The following RNF145 variants were observed in gnomAD, a reference collection of about 807,000 sequenced individuals.
RNF145 encodes ring finger protein 145.
RNF145 carries 12 observed loss-of-function variants against 57.3 expected under a neutral mutation model. That is an observed-to-expected ratio of 0.21 (90% CI 0.13 to 0.34). RNF145 has a LOEUF of 0.34. Ranked by LOEUF, RNF145 falls within the 10% of genes least tolerant of loss-of-function variation. The probability of loss-of-function intolerance (pLI) is 1.00; values close to 1 mark genes in which losing one functional copy is unlikely to be tolerated. For synonymous variants in RNF145, 262 were observed against 288.3 expected (o/e 0.91, Z 0.92); for missense variants, 429 against 799.0 (o/e 0.54, Z 5.58).
chr5:159,186,812 A>G (rs1439368252), intron 3 of RNF145, among the ~76,000 whole-genome samples: 1 of 152,216 alleles, frequency 6.6e-6, no homozygotes, highest in African/African-American at 2.4e-5. Flanking sequence ...GGTCAATTTT[A>G]TTCCTGTCAA....
intron 3 of RNF145, among the ~76,000 whole-genome samples, chr5:159,186,284 T>C (rs1046796178): frequency 3.9e-5 from 6 of 152,244 alleles, no homozygotes; most frequent in Admixed American, 1.3e-4. Context: ...AGAAAAATTC[T>C]TGCTTATAAA....
intron 3 of RNF145, among the ~76,000 whole-genome samples, chr5:159,192,452 G>T (rs912573019): frequency 6.6e-6 from 1 of 152,042 alleles, no homozygotes; most frequent in Admixed American, 6.6e-5. Context: ...ATATTAAGAG[G>T]TCTACCTTCA....
intron 6 of RNF145, among the ~76,000 whole-genome samples, chr5:159,171,468 GA>G (rs1013344974): frequency 1.3e-5 from 2 of 149,670 alleles, no homozygotes; most frequent in African/African-American, 2.5e-5. Context: ...TCTTATTTTA[GA>G]AAAAAAAATG....
At chr5:159,170,843 G>A (rs568432642) in intron 6 of RNF145, among the ~76,000 whole-genome samples, 22 of 152,186 alleles carry the variant, frequency 1.4e-4, no homozygotes, top group African/African-American at 5.3e-4. Context: ...CTCCCACCTC[G>A]GCCTCCCAAC....
chr5:159,191,026 GGAA>G lies in RNF145; in HGVS notation c.293+3687_293+3689del, dbSNP rs1244232293. Reference sequence around the variant, plus strand: ...TCTTTCGGTTTCCCTGAGCCTAACTGGAAGAAGAAGAACTGTCTTGGGCCACAC... The same window carrying G: ...TCTTTCGGTTTCCCTGAGCCTAACTGGAAGAAGAACTGTCTTGGGCCACAC... On this transcript the variant is annotated intron_variant, in intron 3 of 10. Coordinates refer to ENST00000424310, the MANE Select transcript of RNF145 (RefSeq NM_001199383.2). Among the ~76,000 whole-genome samples, 19 of 151,320 alleles carry G rather than the reference GGAA, an allele frequency of 1.3e-4. No homozygotes were observed. The South Asian group carries it at 1.7e-3, about 13-fold the overall frequency.
In RNF145 at chr5:159,192,725, G is replaced by C. The variant is rs113587251; in HGVS notation, c.293+1991C>G. On this transcript the variant is annotated intron_variant, in intron 3 of 10. Transcript: ENST00000424310. ...TAAGATATTTTATTACCACTTTAAT[G>C]TGAAAAAACTAAGGCTTATCCTTCT... is the stretch of plus-strand genomic sequence containing the variant. 1.6e-3 allele frequency among the ~76,000 whole-genome samples: 243 copies of C among 152,212 alleles called. 1 individual carries two copies. Among genetic ancestry groups the C allele is most frequent in the African/African-American group, 5.5e-3 (229 of 41,526 alleles).
At chr5:159,203,900 T>C (rs1785764457) in intron 1 of RNF145, among the ~76,000 whole-genome samples, 1 of 152,238 alleles carries the variant, frequency 6.6e-6, no homozygotes, top group African/African-American at 2.4e-5. Flanking sequence ...GCCTCAAAAC[T>C]AATTTTTTAA....
chr5:159,196,272 C>G (rs1785458267), intron 2 of RNF145, among the ~76,000 whole-genome samples: 1 of 147,314 alleles, frequency 6.8e-6, no homozygotes, highest in Admixed American at 6.8e-5. Flanking sequence ...TCAGCTATCA[C>G]TAGTGTTAGC....
chr5:159,170,144 AAAG>A (rs1401467895), intron 6 of RNF145, among the ~76,000 whole-genome samples: 1 of 152,240 alleles, frequency 6.6e-6, no homozygotes, highest in Non-Finnish European at 1.5e-5. Flanking sequence ...CAAGTATTCA[AAAG>A]AAGCTTGTAC....
intron 2 of RNF145, among the ~76,000 whole-genome samples, chr5:159,197,743 T>G (rs6888950): frequency 0.39 from 58,860 of 152,094 alleles, 13,326 homozygotes; most frequent in African/African-American, 0.61. Context: ...AGCTGTTAGT[T>G]TTTAAATTAT....
intron 5 of RNF145, among the ~76,000 whole-genome samples, chr5:159,175,481 GTATT>G (rs1278721135): frequency 3.3e-5 from 5 of 151,866 alleles, no homozygotes; most frequent in Admixed American, 3.3e-4. Context: ...TATTCAATAA[GTATT>G]TACTGAATAT....
chr5:159,158,845 T>C lies in RNF145; in HGVS notation c.1817A>G (p.Gln606Arg). 1.2e-6 allele frequency: 2 copies of C among 1,613,942 alleles called. No homozygotes were observed. The highest frequency in any genetic ancestry group is 1.1e-5 in the South Asian group (1 of 91,076). The change falls in exon 11 of 11, where the codon CAG (glutamine) becomes CGG (arginine). Residue 606 changes from glutamine (Q) to arginine (R), a missense_variant. This residue lies in a region of RNF145 where 102 missense variants were observed against 106.2 expected (regional missense o/e 0.96). Coordinates refer to ENST00000424310, the MANE Select transcript of RNF145 (RefSeq NM_001199383.2). ...HAGAEQNVMF[Q>R]EGTEPPGQEH... is the part of the protein sequence containing the mutation. ...CTGGCCTGGGGGTTCAGTACCTTCC[T>C]GAAACATGACGTTTTGCTCAGCTCC...
chr5:159,189,494 C>T (rs573449013), intron 3 of RNF145, among the ~76,000 whole-genome samples: 5 of 152,258 alleles, frequency 3.3e-5, no homozygotes, highest in South Asian at 2.1e-4. Context: ...CCTCATACAC[C>T]GCTGGTAGAA....
upstream of RNF145, chr5:159,209,791 T>G: frequency 2.0e-6 from 3 of 1,468,694 alleles, no homozygotes; most frequent in Non-Finnish European, 2.8e-6. Context: ...GGCGCCATTC[T>G]GACACACGTG....
intron 1 of RNF145, 97 bp from the exon 2 acceptor site, chr5:159,203,753 C>CA: frequency 1.4e-6 from 1 of 720,778 alleles, no homozygotes; most frequent in Non-Finnish European, 2.3e-6. Context: ...ACACACTGTA[C>CA]AAAACTATGT....
At chr5:159,167,182 G>A (rs775324369) in intron 8 of RNF145, among the ~76,000 whole-genome samples, 3 of 152,148 alleles carry the variant, frequency 2.0e-5, no homozygotes, top group Non-Finnish European at 2.9e-5. Flanking sequence ...GCATGTAGCT[G>A]ATGGTTAGTC....
intron 1 of RNF145, among the ~76,000 whole-genome samples, chr5:159,204,803 CAAAAAA>C (rs1163143098): frequency 1.7e-4 from 8 of 47,066 alleles, no homozygotes; most frequent in African/African-American, 4.2e-4. Context: ...GACTCCGTCT[CAAAAAA>C]AAAAAAAAAA....
At chr5:159,200,613 AAAG>A (rs1407831314) in intron 2 of RNF145, among the ~76,000 whole-genome samples, 1 of 152,228 alleles carries the variant, frequency 6.6e-6, no homozygotes, top group African/African-American at 2.4e-5. Flanking sequence ...ACTCAAGAAT[AAAG>A]AAGGCTTTTC....
At position 159,209,510 on chromosome 5, in the gene RNF145, G is replaced by GCGGCGGCGGCGGCGA. The variant is rs1291944871; in HGVS notation, c.-320_-319insTCGCCGCCGCCGCCG. ...TTAGCAGCCGGCGCCGGCGTCGGCG[G>GCGGCGGCGGCGGCGA]CCATGGCCTCCTGCGTTTGCTCCTC... is the stretch of plus-strand genomic sequence containing the variant. On this transcript the variant is annotated 5_prime_UTR_variant, in exon 1 of 11. Transcript: ENST00000424310. The GCGGCGGCGGCGGCGA allele has an allele frequency of 8.2e-6, 8 of 979,564 alleles. No homozygotes were observed. Among genetic ancestry groups the GCGGCGGCGGCGGCGA allele is most frequent in the Non-Finnish European group, 9.7e-6 (8 of 826,176 alleles). The allele number at this position is 979,564 out of a possible 1,614,324, so 60.7% of individuals were successfully genotyped here.
Sources: allele counts gnomAD v4.1 joint callset (sites outside exome capture counted in the v4.1 genomes callset), GRCh38; gene constraint gnomAD v4.1.1; regional missense constraint gnomAD v4.1.1; transcripts MANE v1.5; gene names NCBI Gene and HGNC (gene_info 2026-07-23, HGNC 2026-07-21).